MYCBP2: variants seen among roughly 807,000 people sequenced by gnomAD.
The protein encoded by MYCBP2 is E3 ubiquitin-protein ligase MYCBP2.
In MYCBP2, 120 loss-of-function variants were observed where a neutral mutation model predicts 525.3. The ratio of observed to expected loss-of-function variants is 0.23; its 90% CI spans 0.20 to 0.27. The LOEUF (loss-of-function observed/expected upper bound fraction) is 0.27, where lower values mean the gene tolerates loss of function less well. MYCBP2 is among the 10% of genes least tolerant of loss of function. The pLI, the probability that MYCBP2 is intolerant of heterozygous loss-of-function variation, is 1.00. For synonymous variants in MYCBP2, 1,894 were observed against 1,955.8 expected (o/e 0.97, Z 0.83); for missense variants, 4,149 against 5,657.1 (o/e 0.73, Z 8.55).
At chr13:77,068,213 T>C (rs2040514583) in intron 70 of MYCBP2, among the ~76,000 whole-genome samples, 1 of 152,172 alleles carries the variant, frequency 6.6e-6, no homozygotes. Context: ...ATATACATAC[T>C]ATTCAAATGG....
rs779065928 is a variant in MYCBP2 at position 77,176,481 on chromosome 13, AT to A, written c.5472+15del. On this transcript the variant is annotated intron_variant, in intron 36 of 82. Transcript: ENST00000544440. The stretch of plus-strand genomic sequence containing the variant: ...AATACCTCTTATTCACAATAGAAAC[AT>A]TCAGTTGAAACTACCTTTAAAGGAA... The A allele has an allele frequency of 6.4e-7, 1 of 1,570,938 alleles. No homozygotes were observed. The highest frequency in any genetic ancestry group is 8.7e-7 in the Non-Finnish European group (1 of 1,154,822).
At chr13:77,264,292 G>A (rs140164433) in intron 8 of MYCBP2, among the ~76,000 whole-genome samples, 83 of 151,802 alleles carry the variant, frequency 5.5e-4, no homozygotes, top group African/African-American at 1.9e-3. Flanking sequence ...CATGCACCAC[G>A]ATGAACAAAC....
At chr13:77,248,022 AG>A (rs1359517851) in intron 15 of MYCBP2, among the ~76,000 whole-genome samples, 2 of 152,088 alleles carry the variant, frequency 1.3e-5, no homozygotes, top group Non-Finnish European at 2.9e-5. Flanking sequence ...GGATAGCATT[AG>A]GAGATATACC....
chr13:77,070,751 G>C, intron 68 of MYCBP2, 40 bp from the exon 69 acceptor site: 1 of 1,288,460 alleles, frequency 7.8e-7, no homozygotes, highest in Non-Finnish European at 1.1e-6. Flanking sequence ...AGAATGAAGT[G>C]GTCTCTTTAA....
chr13:77,078,369 A>C (rs2042691423), intron 66 of MYCBP2, among the ~76,000 whole-genome samples: 3 of 152,210 alleles, frequency 2.0e-5, no homozygotes, highest in Admixed American at 2.0e-4. Context: ...TGCCTAGATA[A>C]AACTTAACTT....
intron 31 of MYCBP2, 146 bp from the exon 32 acceptor site, chr13:77,185,523 G>A (rs184301288): frequency 3.7e-4 from 331 of 898,920 alleles, no homozygotes; most frequent in Non-Finnish European, 4.9e-4. Context: ...ATTAAGTGTA[G>A]TCCCAATTTT....
At chr13:77,254,694 TTAG>T (rs1277681244) in intron 14 of MYCBP2, among the ~76,000 whole-genome samples, 1 of 151,794 alleles carries the variant, frequency 6.6e-6, no homozygotes, top group East Asian at 1.9e-4. Flanking sequence ...CTCCTGAACA[TTAG>T]AACTTATTCC....
chr13:77,300,223 A>G (rs1051108721), intron 1 of MYCBP2, among the ~76,000 whole-genome samples: 6 of 152,206 alleles, frequency 3.9e-5, no homozygotes, highest in Non-Finnish European at 7.3e-5. Context: ...TCTCTTAGTA[A>G]TAAGAAATAA....
Position 77,051,792 on chromosome 13 carries a change from A to C in MYCBP2, c.13755+19T>G. The C allele has an allele frequency of 6.4e-7, 1 of 1,574,528 alleles. No individual in the cohort carries two copies. The highest frequency in any genetic ancestry group is 8.7e-7 in the Non-Finnish European group (1 of 1,145,756). On this transcript the variant is annotated intron_variant, in intron 81 of 82. Coordinates refer to ENST00000544440, the MANE Select transcript of MYCBP2 (RefSeq NM_015057.5). ...TTAACATTTCTAAACTGTTGTTTCT[A>C]ATAAAATGTTCTGCCTACCTGAGCC... is the stretch of plus-strand genomic sequence containing the variant.
chr13:77,129,291 G>A (rs1035087658), intron 52 of MYCBP2: 2 of 395,564 alleles, frequency 5.1e-6, no homozygotes, highest in Non-Finnish European at 8.9e-6. Flanking sequence ...GATATCATCT[G>A]CAGAAGATGC....
intron 68 of MYCBP2, among the ~76,000 whole-genome samples, chr13:77,071,251 G>T (rs370496545): frequency 9.9e-6 from 1 of 100,548 alleles, no homozygotes; most frequent in Non-Finnish European, 2.0e-5. Flanking sequence ...ATATATATAT[G>T]CATGCACGTG....
chr13:77,190,928 T>C (rs916172689), intron 28 of MYCBP2, among the ~76,000 whole-genome samples: 1 of 152,204 alleles, frequency 6.6e-6, no homozygotes, highest in Non-Finnish European at 1.5e-5. Context: ...CTTCAACTGA[T>C]TTCAAATAGT....
Position 77,326,368 on chromosome 13 carries a change from T to TG in MYCBP2, c.302+105dup. 1 of 1,136,674 alleles carries TG rather than the reference T, an allele frequency of 8.8e-7. No individual in the cohort carries two copies. The highest frequency in any genetic ancestry group is 1.2e-6 in the Non-Finnish European group (1 of 836,718). The allele number at this position is 1,136,674 out of a possible 1,614,324, so 70.4% of individuals were successfully genotyped here. ...CAGAGCGGACTGAAAGCTCAATAAA[T>TG]GCGCAGGTACACACACGCAAGCACA... On this transcript the variant is annotated intron_variant, in intron 1 of 82. Transcript: ENST00000544440. This position sits in a 1 kb window ranked among gnomAD's most constrained non-coding sequence, Gnocchi z 4.2.
intron 1 of MYCBP2, among the ~76,000 whole-genome samples, chr13:77,301,980 A>AAAAT (rs972501274): frequency 2.0e-4 from 31 of 152,242 alleles, no homozygotes; most frequent in Middle Eastern, 3.4e-3. Flanking sequence ...AAACAGGCCA[A>AAAAT]AAATAAATAA....
At chr13:77,199,938 G>C (rs1057453560) in intron 26 of MYCBP2, among the ~76,000 whole-genome samples, 2 of 152,152 alleles carry the variant, frequency 1.3e-5, no homozygotes, top group African/African-American at 2.4e-5. Flanking sequence ...CACAAAGATG[G>C]GGAAAAAACA....
At chr13:77,170,414 A>G (rs894607838) in intron 38 of MYCBP2, among the ~76,000 whole-genome samples, 1 of 152,232 alleles carries the variant, frequency 6.6e-6, no homozygotes, top group Non-Finnish European at 1.5e-5. Flanking sequence ...GTCTGCTGTT[A>G]TATCAAAACA....
Position 77,128,803 on chromosome 13 carries a change from A to G in MYCBP2, c.7660-2261T>C, listed in dbSNP as rs1208521111. ...ATTCCCATCCCATTCTCAGATGAAC[A>G]TTCAAAGAGGGAATGTGAAAGTGTT... is the stretch of plus-strand genomic sequence containing the variant. On this transcript the variant is annotated intron_variant, in intron 52 of 82. Coordinates refer to ENST00000544440, the MANE Select transcript of MYCBP2 (RefSeq NM_015057.5). Among the ~76,000 whole-genome samples, 3 of 151,958 alleles carry G rather than the reference A, an allele frequency of 2.0e-5. No homozygotes were observed. The East Asian group carries it at 5.8e-4, about 29-fold the overall frequency.
Position 77,139,295 on chromosome 13 carries a change from C to A in MYCBP2, c.7560G>T (p.Glu2520Asp). ...TGTTAGGGACATACTTCTTTATTGT[C>A]TCATCATTCAGCCTCAGCCACACAC... ...DDGVWLRLNDETIKKYVPNMN... is the reference protein window; with the variant it reads ...DDGVWLRLNDDTIKKYVPNMN... The change falls in exon 52 of 83, where the codon GAG (glutamate) becomes GAT (aspartate). Residue 2520 changes from glutamate (E) to aspartate (D), a missense_variant. Around this residue, in one of 21 missense-constraint regions of MYCBP2, gnomAD observed 692 missense variants for 852.7 expected, o/e 0.81. Coordinates refer to ENST00000544440, the MANE Select transcript of MYCBP2 (RefSeq NM_015057.5). 1 of 1,613,848 alleles carries A rather than the reference C, an allele frequency of 6.2e-7. No homozygotes were observed. Among genetic ancestry groups the A allele is most frequent in the Non-Finnish European group, 8.5e-7 (1 of 1,179,814 alleles).
chr13:77,150,343 C>T (rs555882168), intron 47 of MYCBP2, among the ~76,000 whole-genome samples: 1 of 152,258 alleles, frequency 6.6e-6, no homozygotes, highest in African/African-American at 2.4e-5. Flanking sequence ...GGTCTCACTA[C>T]ATTACTGAGG....
Sources: allele counts gnomAD v4.1 joint callset (sites outside exome capture counted in the v4.1 genomes callset), GRCh38; gene constraint gnomAD v4.1.1; regional missense constraint gnomAD v4.1.1; non-coding constraint Gnocchi (gnomAD v3.1); transcripts MANE v1.5; gene names NCBI Gene and HGNC (gene_info 2026-07-23, HGNC 2026-07-21).